SGIP1: variants seen among roughly 807,000 people sequenced by gnomAD.
The protein encoded by SGIP1 is SH3GL interacting endocytic adaptor 1.
SGIP1 carries 38 observed loss-of-function variants against 107.5 expected under a neutral mutation model. The observed-to-expected ratio is 0.35, with a 90% CI of 0.27 to 0.46. The LOEUF (loss-of-function observed/expected upper bound fraction) is 0.46. SGIP1 is among the 20% of genes least tolerant of loss of function. The probability of loss-of-function intolerance (pLI) is 1.00; values close to 1 mark genes in which losing one functional copy is unlikely to be tolerated. For missense variants in SGIP1, 929 were observed against 1,019.5 expected (o/e 0.91, Z 1.21); for synonymous variants, 365 against 366.1 (o/e 1.00, Z 0.03).
chr1:66,651,275 C>A (rs535711137), intron 7 of SGIP1, among the ~76,000 whole-genome samples: 1 of 152,252 alleles, frequency 6.6e-6, no homozygotes, highest in Admixed American at 6.5e-5. Context: ...TACATTAATT[C>A]ATTCATGCTC....
At chr1:66,560,904 G>A (rs1165541887) in intron 1 of SGIP1, among the ~76,000 whole-genome samples, 2 of 152,018 alleles carry the variant, frequency 1.3e-5, no homozygotes, top group South Asian at 2.1e-4. Context: ...TGAATGTTAA[G>A]CGTGCATATA....
At chr1:66,671,070 A>G in intron 10 of SGIP1, 51 bp downstream of exon 10, 1 of 967,948 alleles carries the variant, frequency 1.0e-6, no homozygotes, top group Non-Finnish European at 1.6e-6. Context: ...AAGAAAGAAC[A>G]GTTCCTTGGA....
chr1:66,591,576 G>A (rs1475656881), intron 1 of SGIP1, among the ~76,000 whole-genome samples: 1 of 152,164 alleles, frequency 6.6e-6, no homozygotes, highest in African/African-American at 2.4e-5. Context: ...TGTGAAGGGG[G>A]CCAGCCCCTC....
intron 1 of SGIP1, among the ~76,000 whole-genome samples, chr1:66,558,502 A>G (rs936379205): frequency 1.3e-5 from 2 of 152,002 alleles, no homozygotes; most frequent in Admixed American, 1.3e-4. Context: ...CTGAAAGTAT[A>G]TAATACTAAA....
At chr1:66,588,724 G>A (rs943461633) in intron 1 of SGIP1, among the ~76,000 whole-genome samples, 8 of 141,668 alleles carry the variant, frequency 5.6e-5, no homozygotes, top group East Asian at 2.1e-4. Flanking sequence ...TAACTTTCAC[G>A]GTGTCCTATT....
At chr1:66,681,794 T>G in intron 14 of SGIP1, 75 bp from the exon 15 acceptor site, 2 of 1,482,382 alleles carry the variant, frequency 1.3e-6, no homozygotes, top group Non-Finnish European at 1.8e-6. Context: ...TATTTTCCAG[T>G]CTTTGCCTCC....
chr1:66,563,820 C>T (rs1001794552), intron 1 of SGIP1, among the ~76,000 whole-genome samples: 3 of 151,912 alleles, frequency 2.0e-5, no homozygotes, highest in Admixed American at 2.0e-4. Flanking sequence ...ATTTGAAATA[C>T]TTGACTTATT....
intron 21 of SGIP1, among the ~76,000 whole-genome samples, chr1:66,736,980 T>C (rs1412983187): frequency 6.6e-6 from 1 of 152,064 alleles, no homozygotes; most frequent in Non-Finnish European, 1.5e-5. Context: ...TGAAAAAATA[T>C]ATAATATGGC....
At chr1:66,578,292 T>G (rs1472014947) in intron 1 of SGIP1, among the ~76,000 whole-genome samples, 3 of 152,146 alleles carry the variant, frequency 2.0e-5, no homozygotes, top group Non-Finnish European at 2.9e-5. Context: ...TTTAAAAAGC[T>G]TCCAAAGTGG....
At chr1:66,695,255 T>TA (rs570067011) in intron 17 of SGIP1, 179 bp from the exon 18 acceptor site, 61,946 of 935,160 alleles carry the variant, frequency 0.066, 27 homozygotes, top group Non-Finnish European at 0.074. Context: ...TTTCCTGAAC[T>TA]AAAAAAAAAA....
chr1:66,576,050 T>C (rs1374488840), intron 1 of SGIP1, among the ~76,000 whole-genome samples: 1 of 152,162 alleles, frequency 6.6e-6, no homozygotes, highest in Non-Finnish European at 1.5e-5. Context: ...CCAATATTTA[T>C]TTATATATTG....
Position 66,719,398 on chromosome 1 carries a change from C to T in SGIP1, c.1735C>T (p.Pro579Ser), listed in dbSNP as rs772864280. ...TVNAYFKGAD[P>S]SKCIVKITGE... ...CAATGCCTATTTCAAAGGAGCAGAC[C>T]CAAGCAAGTAAGCCTGATACTTGGT... Residue 579 changes from proline to serine, a missense_variant, in exon 19 of 25, where the codon CCA (proline) becomes TCA (serine). By Grantham distance (74) the Pro-to-Ser change is moderately conservative (BLOSUM62 -1). Around this residue, in one of 2 missense-constraint regions of SGIP1, gnomAD observed 341 missense variants for 430.9 expected, o/e 0.79. Coordinates refer to ENST00000371037, the MANE Select transcript of SGIP1 (RefSeq NM_032291.4). 4 of 1,612,240 alleles carry T rather than the reference C, an allele frequency of 2.5e-6. No homozygotes were observed. The East Asian group carries it at 6.7e-5, about 27-fold the overall frequency.
At chr1:66,661,459 G>A (rs1293578425) in intron 8 of SGIP1, among the ~76,000 whole-genome samples, 1 of 152,172 alleles carries the variant, frequency 6.6e-6, no homozygotes, top group African/African-American at 2.4e-5. Context: ...GGATAGGAGG[G>A]AGGCGGAACA....
chr1:66,627,534 T>C (rs972139894), intron 2 of SGIP1, among the ~76,000 whole-genome samples: 1 of 152,138 alleles, frequency 6.6e-6, no homozygotes, highest in Non-Finnish European at 1.5e-5. Flanking sequence ...CCATGAAAGT[T>C]TTTAAGCCAA....
chr1:66,692,031 C>T (rs957871550), intron 17 of SGIP1, among the ~76,000 whole-genome samples: 6 of 151,838 alleles, frequency 4.0e-5, no homozygotes, highest in African/African-American at 7.3e-5. Flanking sequence ...TGGTGGTGGG[C>T]GCCTGTAGTC....
chr1:66,700,644 T>A (rs2091773804), intron 18 of SGIP1, among the ~76,000 whole-genome samples: 1 of 152,216 alleles, frequency 6.6e-6, no homozygotes, highest in Admixed American at 6.5e-5. Context: ...ATCAGAGTAA[T>A]TAGCATATCC....
intron 1 of SGIP1, among the ~76,000 whole-genome samples, chr1:66,565,186 A>G (rs2059475388): frequency 6.6e-6 from 1 of 152,054 alleles, no homozygotes; most frequent in Non-Finnish European, 1.5e-5. Flanking sequence ...GTCATCTGAC[A>G]TGTAATTTGG....
chr1:66,735,449 A>T (rs1314019194), intron 21 of SGIP1, among the ~76,000 whole-genome samples: 1 of 152,014 alleles, frequency 6.6e-6, no homozygotes, highest in Non-Finnish European at 1.5e-5. Context: ...TCCCAGCCTC[A>T]GATGATCCCC....
rs1283563801 is a variant in SGIP1 at position 66,729,317 on chromosome 1, C to T, written c.1796C>T (p.Thr599Ile). 6.2e-7 allele frequency: 1 copy of T among 1,614,108 alleles called. No individual in the cohort carries two copies. The highest frequency in any genetic ancestry group is 8.5e-7 in the Non-Finnish European group (1 of 1,180,008). ...GTGTTGTCATTTCCTGCTGGCATCACCAGACACTTTGCCAACAACCCGTCC... is the reference window on the plus strand; with the variant it reads ...GTGTTGTCATTTCCTGCTGGCATCATCAGACACTTTGCCAACAACCCGTCC... ...EMVLSFPAGI[T>I]RHFANNPSPA... The change falls in exon 20 of 25, where the codon ACC becomes ATC. Residue 599 changes from threonine (T) to isoleucine (I), a missense_variant. Physicochemically the swap from Thr to Ile is moderately conservative, Grantham distance 89. Transcript: ENST00000371037.
Sources: allele counts gnomAD v4.1 joint callset (sites outside exome capture counted in the v4.1 genomes callset), GRCh38; gene constraint gnomAD v4.1.1; regional missense constraint gnomAD v4.1.1; transcripts MANE v1.5; gene names NCBI Gene and HGNC (gene_info 2026-07-23, HGNC 2026-07-21).